Variants in IL19 observed in about 807,000 individuals in gnomAD.
IL19 encodes interleukin 19, also known as interleukin-19.
In IL19, 15 loss-of-function variants were observed where a neutral mutation model predicts 19.5. The observed-to-expected ratio is 0.77, with a 90% CI of 0.52 to 1.19. The LOEUF is 1.19. Ranked by LOEUF, IL19 falls within the 50% of genes most tolerant of loss-of-function variation. The probability of loss-of-function intolerance (pLI) is 0.00; values close to 1 mark genes in which losing one functional copy is unlikely to be tolerated. For synonymous variants in IL19, 78 were observed against 78.3 expected, an observed-to-expected ratio of 1.00 and a Z score of 0.02; for missense variants, 199 against 213.1, an observed-to-expected ratio of 0.93 and a Z score of 0.41.
At chr1:206,819,683 T>G (rs1354288716) in intron 2 of IL19, among the ~76,000 whole-genome samples, 1 of 152,218 alleles carries the variant, frequency 6.6e-6, no homozygotes, top group Non-Finnish European at 1.5e-5. Context: ...GAGTTCAGAT[T>G]ATAGAACATT....
chr1:206,789,560 C>T (rs1675344520), intron 1 of IL19, among the ~76,000 whole-genome samples: 1 of 151,978 alleles, frequency 6.6e-6, no homozygotes, highest in East Asian at 1.9e-4. Flanking sequence ...TGTATATATG[C>T]CATATTTTCT....
intron 2 of IL19, chr1:206,828,743 T>C (rs1467794998): frequency 6.6e-6 from 1 of 152,232 alleles, no homozygotes; most frequent in Non-Finnish European, 1.5e-5. Context: ...TTGTGGTATT[T>C]GTTAGCTTTT....
intron 1 of IL19, among the ~76,000 whole-genome samples, chr1:206,777,736 C>T (rs1675044825): frequency 6.6e-6 from 1 of 152,248 alleles, no homozygotes; most frequent in Admixed American, 6.5e-5. Context: ...GAAGCCCCTC[C>T]GGGCTTGACT....
In IL19 at chr1:206,836,714, T is replaced by C; in HGVS notation, c.52T>C (p.Cys18Arg). Residue 18 changes from cysteine (C) to arginine (R), a missense_variant, in exon 3 of 7, where the codon TGC (cysteine) becomes CGC (arginine). Physicochemically the swap from Cys to Arg is radical, Grantham distance 180. Coordinates refer to ENST00000659997, the MANE Select transcript of IL19 (RefSeq NM_153758.5). ...GCTCCTGGGTACAATACTGATATTG[T>C]GCTCAGTAGACAACCACGGTCTCAG... ...LWLLGTILIL[C>R]SVDNHGLRRC... 6.2e-7 allele frequency: 1 copy of C among 1,613,366 alleles called. No individual in the cohort carries two copies. Among genetic ancestry groups the C allele is most frequent in the Non-Finnish European group, 8.5e-7 (1 of 1,179,334 alleles).
chr1:206,842,598 T>A lies in IL19; in HGVS notation c.510T>A (p.Asn170Lys), dbSNP rs913076620. Residue 170 changes from asparagine to lysine, a missense_variant, in exon 7 of 7, where the codon AAT becomes AAA. Coordinates refer to ENST00000659997, the MANE Select transcript of IL19 (RefSeq NM_153758.5). ...LDVFLAWINK[N>K]HEVMFSA ...TCTTTCTAGCCTGGATTAATAAGAA[T>A]CATGAAGTAATGTTCTCAGCTTGAT... The A allele has an allele frequency of 6.4e-7, 1 of 1,571,592 alleles. No homozygotes were observed. The highest frequency in any genetic ancestry group is 1.3e-5 in the African/African-American group (1 of 74,302).
intron 2 of IL19, among the ~76,000 whole-genome samples, chr1:206,827,487 G>C (rs1251682760): frequency 1.3e-5 from 2 of 151,994 alleles, no homozygotes; most frequent in Non-Finnish European, 2.9e-5. Context: ...TCAGGAGATC[G>C]AGACCATCCT....
intron 1 of IL19, among the ~76,000 whole-genome samples, chr1:206,781,626 C>A (rs900170153): frequency 3.3e-5 from 5 of 150,940 alleles, no homozygotes; most frequent in African/African-American, 1.2e-4. Context: ...TGCTTCCTCC[C>A]ACCCTGGATT....
intron 1 of IL19, among the ~76,000 whole-genome samples, chr1:206,775,366 T>G (rs964550988): frequency 2.0e-5 from 3 of 152,144 alleles, no homozygotes; most frequent in African/African-American, 7.2e-5. Flanking sequence ...TCTGACTTCT[T>G]TATTTGTTCT....
At chr1:206,804,441 C>T (rs1034594358) in intron 2 of IL19, among the ~76,000 whole-genome samples, 4 of 152,056 alleles carry the variant, frequency 2.6e-5, no homozygotes, top group East Asian at 3.8e-4. Flanking sequence ...GACAATAACC[C>T]CCAGGTTGAG....
At chr1:206,787,388 C>T (rs541637667) in intron 1 of IL19, among the ~76,000 whole-genome samples, 1 of 152,318 alleles carries the variant, frequency 6.6e-6, no homozygotes, top group Non-Finnish European at 1.5e-5. Context: ...TGCACATATG[C>T]ATATGTGTGG....
intron 2 of IL19, among the ~76,000 whole-genome samples, chr1:206,808,403 A>T (rs957060403): frequency 6.6e-6 from 1 of 152,192 alleles, no homozygotes; most frequent in African/African-American, 2.4e-5. Context: ...TGAAGCTCTG[A>T]GAGTAGAATT....
In IL19 at chr1:206,839,995, G is replaced by A. The variant is rs562006297; in HGVS notation, c.356G>A (p.Arg119Gln). Residue 119 changes from arginine to glutamine, a missense_variant, in exon 5 of 7, where the codon CGG (arginine) becomes CAG (glutamine). Arg to Gln is a conservative substitution (Grantham distance 43, BLOSUM62 1). Transcript: ENST00000659997. ...TTCCTCTACATGCAGAAAACTCTGC[G>A]GCAATGTGTGAGTCACTGGGTCAGA... ...NSFLYMQKTL[R>Q]QCQEQRQCHC... The A allele has an allele frequency of 3.9e-5, 63 of 1,614,076 alleles. No homozygotes were observed. The South Asian group carries it at 4.4e-4, about 11-fold the overall frequency.
chr1:206,837,151 CTTCT>C, intron 4 of IL19, 128 bp downstream of exon 4: 1 of 740,400 alleles, frequency 1.4e-6, no homozygotes. Context: ...ATGCACCAGG[CTTCT>C]TTGTCAGATG....
At chr1:206,788,324 C>T (rs549092846) in intron 1 of IL19, among the ~76,000 whole-genome samples, 66 of 152,274 alleles carry the variant, frequency 4.3e-4, no homozygotes, top group African/African-American at 1.6e-3. Context: ...TAGTTGGTTT[C>T]CCCTATTGCT....
intron 1 of IL19, chr1:206,772,164 TG>T (rs1353348024): frequency 4.7e-5 from 45 of 954,888 alleles, no homozygotes; most frequent in Non-Finnish European, 1.7e-6. Flanking sequence ...GAATAGGTGT[TG>T]GGGATGGAGG....
chr1:206,775,360 ACTT>A (rs1255366601), intron 1 of IL19, among the ~76,000 whole-genome samples: 1 of 152,080 alleles, frequency 6.6e-6, no homozygotes, highest in Non-Finnish European at 1.5e-5. Flanking sequence ...CCCGGATCTG[ACTT>A]CTTTATTTGT....
At chr1:206,820,429 G>C (rs989557612) in intron 2 of IL19, among the ~76,000 whole-genome samples, 1 of 152,140 alleles carries the variant, frequency 6.6e-6, no homozygotes, top group Non-Finnish European at 1.5e-5. Context: ...ATCATATGCT[G>C]GTTATAAATG....
At chr1:206,796,015 C>A (rs1675514488) in intron 1 of IL19, among the ~76,000 whole-genome samples, 1 of 151,370 alleles carries the variant, frequency 6.6e-6, no homozygotes, top group South Asian at 2.1e-4. Context: ...GGCTGAGAAG[C>A]CCCATGATCA....
chr1:206,836,814 T>G lies in IL19; in HGVS notation c.144+8T>G. On this transcript the variant is annotated splice_region_variant and intron_variant, in intron 3 of 6. Coordinates refer to ENST00000659997, the MANE Select transcript of IL19 (RefSeq NM_153758.5). ...GAAATCAAAAGAGCCATCGTGAGTA[T>G]GGGTTGGTGTAAAGGTGTGGATGAC... 3 of 1,614,090 alleles carry G rather than the reference T, an allele frequency of 1.9e-6. No individual in the cohort carries two copies. The South Asian group carries it at 3.3e-5, about 18-fold the overall frequency.
Sources: gnomAD v4.1 joint callset for allele counts (sites outside exome capture counted in the v4.1 genomes callset) on GRCh38, gnomAD v4.1.1 for gene constraint, MANE v1.5 for transcripts, NCBI Gene and HGNC (gene_info 2026-07-23, HGNC 2026-07-21) for gene names.